Variants in ATP2B3 observed in about 807,000 individuals in gnomAD.
ATP2B3 encodes the protein ATPase plasma membrane Ca2+ transporting 3.
A neutral mutation model predicts 70.8 loss-of-function variants in ATP2B3; 12 were observed. The observed-to-expected ratio is 0.17, with a 90% confidence interval of 0.11 to 0.27. ATP2B3 has a LOEUF of 0.27. ATP2B3 is among the 10% of genes least tolerant of loss of function. ATP2B3 has a pLI of 1.00. For synonymous variants in ATP2B3, 460 were observed against 497.8 expected (o/e 0.92, Z 1.01); for missense variants, 858 against 1,118.5 (o/e 0.77, Z 3.32).
intron 21 of ATP2B3, among the ~76,000 whole-genome samples, chrX:153,568,731 G>T (rs1318789143): frequency 3.6e-5 from 4 of 112,331 alleles, no homozygotes; most frequent in Admixed American, 1.9e-4. Flanking sequence ...GGTGCAGGGG[G>T]AGTCTGAACA....
At position 153,518,228 on chromosome X, in the gene ATP2B3, C is replaced by T. The variant is rs1340738531; in HGVS notation, c.-246-204C>T. Reference sequence around the variant, plus strand: ...GGGGGCGCGGGATCTGGGCCGGGAGCCCGCCAGTGCGCACGCACCTTCCCG... The same window carrying T: ...GGGGGCGCGGGATCTGGGCCGGGAGTCCGCCAGTGCGCACGCACCTTCCCG... On this transcript the variant is annotated intron_variant, in intron 1 of 21. Coordinates refer to ENST00000263519, the MANE Select transcript of ATP2B3 (RefSeq NM_001001344.3). Among the ~76,000 whole-genome samples the T allele has an allele frequency of 2.5e-4, 28 of 113,044 alleles. No individual in the cohort carries two copies. The East Asian group carries it at 4.3e-3, about 17-fold the overall frequency.
intron 2 of ATP2B3, among the ~76,000 whole-genome samples, chrX:153,523,502 G>A (rs1187510736): frequency 9.0e-6 from 1 of 111,589 alleles, no homozygotes; most frequent in Non-Finnish European, 1.9e-5. Flanking sequence ...CTTTTTCATC[G>A]CACTGCATGG....
Position 153,542,466 on chromosome X carries a change from G to C in ATP2B3, c.790+18G>C, listed in dbSNP as rs781789286. 8.3e-7 allele frequency: 1 copy of C among 1,206,455 alleles called. No individual in the cohort carries two copies. The highest frequency in any genetic ancestry group is 3.0e-5 in the East Asian group (1 of 33,709). ...GCTCTCAGGTGAGGGCCACCCTCCG[G>C]GCCAGCCTGGCACCAAGGGGCGTCA... is the stretch of plus-strand genomic sequence containing the variant. On this transcript the variant is annotated intron_variant, in intron 6 of 21. Coordinates refer to ENST00000263519, the MANE Select transcript of ATP2B3 (RefSeq NM_001001344.3).
In ATP2B3 at chrX:153,579,859, C is replaced by T. The variant is rs781838857; in HGVS notation, c.3343-119C>T. The T allele has an allele frequency of 9.4e-5, 60 of 635,262 alleles. No homozygotes were observed. The East Asian group carries it at 1.4e-3, about 15-fold the overall frequency. The allele number at this position is 635,262 out of a possible 1,213,427, so 52.4% of individuals were successfully genotyped here. A position where few individuals can be genotyped will look rare whatever the true frequency, so the allele number is the denominator to read the frequency against. On this transcript the variant is annotated intron_variant, in intron 21 of 21. Transcript: ENST00000263519. ...GTGGGTGGAATTTACCAGCACCAGC[C>T]GGCCACTGACTGTCTCCTTCCTTCC...
chrX:153,550,173 T>C lies in ATP2B3; in HGVS notation c.1710T>C (p.Leu570=). 2 of 1,212,309 alleles carry C rather than the reference T, an allele frequency of 1.6e-6. No individual in the cohort carries two copies. Among genetic ancestry groups the C allele is most frequent in the Non-Finnish European group, 2.2e-6 (2 of 895,620 alleles). Residue 570 remains leucine (L), a synonymous_variant, in exon 12 of 22, where the codon CTT becomes CTC. Transcript: ENST00000263519. ...GCGAGCAGATCCCGGAAGACAAGCTTTACAAAGTGTACACCTTCAACTCGG... is the reference window on the plus strand; with the variant it reads ...GCGAGCAGATCCCGGAAGACAAGCTCTACAAAGTGTACACCTTCAACTCGG... ...PVREQIPEDK[L]YKVYTFNSVR...
rs782076113 is a variant in ATP2B3 at position 153,543,204 on chromosome X, G to A, written c.916+36G>A. 5 of 1,186,545 alleles carry A rather than the reference G, an allele frequency of 4.2e-6. No homozygotes were observed. In the South Asian group the frequency reaches 7.5e-5, roughly 18 times the overall value. On this transcript the variant is annotated intron_variant, in intron 7 of 21. Coordinates refer to ENST00000263519, the MANE Select transcript of ATP2B3 (RefSeq NM_001001344.3). ...AGTGCCGCCAGTCCCTGGTGCTGGTGGCGGCTCCTTCCACGCTGCCCATTC... is the reference window on the plus strand; with the variant it reads ...AGTGCCGCCAGTCCCTGGTGCTGGTAGCGGCTCCTTCCACGCTGCCCATTC...
intron 21 of ATP2B3, among the ~76,000 whole-genome samples, chrX:153,566,811 C>A (rs2090714463): frequency 9.0e-6 from 1 of 111,709 alleles, no homozygotes; most frequent in African/African-American, 3.3e-5. Context: ...CCCGCTGCGT[C>A]CCCTGGGCCC....
chrX:153,521,615 G>C (rs1054693202), intron 2 of ATP2B3, among the ~76,000 whole-genome samples: 5 of 112,010 alleles, frequency 4.5e-5, no homozygotes, highest in Non-Finnish European at 9.4e-5. Context: ...CTTATTTAAA[G>C]GGGTCCTGAG....
intron 21 of ATP2B3, among the ~76,000 whole-genome samples, chrX:153,570,962 G>A (rs782019837): frequency 2.4e-4 from 26 of 106,170 alleles, no homozygotes; most frequent in African/African-American, 8.9e-4. Context: ...GAAGGGAGGA[G>A]GCCCATCCTG....
intron 21 of ATP2B3, among the ~76,000 whole-genome samples, chrX:153,575,574 G>C (rs938733339): frequency 5.4e-5 from 6 of 111,140 alleles, no homozygotes; most frequent in African/African-American, 2.0e-4. Context: ...TCGGGCCGCC[G>C]TGCTAAGGGC....
intron 2 of ATP2B3, among the ~76,000 whole-genome samples, chrX:153,534,979 C>CG (rs1284415053): frequency 2.7e-5 from 3 of 112,551 alleles, no homozygotes; most frequent in East Asian, 5.6e-4. Context: ...TCCCCAGAGA[C>CG]GGGGGTTCAG....
intron 18 of ATP2B3, among the ~76,000 whole-genome samples, chrX:153,560,415 C>T (rs73247603): frequency 0.047 from 5,238 of 111,495 alleles, 109 homozygotes; most frequent in South Asian, 0.063. Flanking sequence ...CGAGGAAAGC[C>T]AGCCTTAAGA....
intron 2 of ATP2B3, among the ~76,000 whole-genome samples, chrX:153,532,524 T>C (rs1410888245): frequency 3.6e-5 from 4 of 111,638 alleles, no homozygotes; most frequent in African/African-American, 9.7e-5. Context: ...GGTTGAGTAA[T>C]GGGCCTGGAC....
At position 153,569,762 on chromosome X, in the gene ATP2B3, T is replaced by C. The variant is rs782140761; in HGVS notation, c.3342+4659T>C. 6 of 1,205,588 alleles carry C rather than the reference T, an allele frequency of 5.0e-6. No homozygotes were observed. The Admixed American group carries it at 8.8e-5, about 18-fold the overall frequency. ...TCCTACCAGTGCTGCTGGGAGTGAG[T>C]CTTGACTTCCCTTTTCTCTCATAAA... On this transcript the variant is annotated intron_variant, in intron 21 of 21. Coordinates refer to ENST00000263519, the MANE Select transcript of ATP2B3 (RefSeq NM_001001344.3).
At chrX:153,542,908 A>T in intron 6 of ATP2B3, 135 bp from the exon 7 acceptor site, 1 of 871,017 alleles carries the variant, frequency 1.1e-6, no homozygotes, top group Non-Finnish European at 1.6e-6. Context: ...GCCAGGGAGG[A>T]GGCTTCAGCC....
At chrX:153,569,849 T>C in intron 21 of ATP2B3, 1 of 1,014,619 alleles carries the variant, frequency 9.9e-7, no homozygotes, top group Non-Finnish European at 1.4e-6. Context: ...CAGTCTTGCA[T>C]TCCGCTCACC....
chrX:153,518,838 G>T (rs1459338828), intron 2 of ATP2B3, among the ~76,000 whole-genome samples: 2 of 112,198 alleles, frequency 1.8e-5, no homozygotes, highest in African/African-American at 6.5e-5. Context: ...GCCATTTCCT[G>T]GCGAGGTCAT....
rs1187721565 is a variant in ATP2B3 at position 153,581,092 on chromosome X, T to C, written c.*794T>C. On this transcript the variant is annotated 3_prime_UTR_variant, in exon 22 of 22. Transcript: ENST00000263519. Reference sequence around the variant, plus strand: ...GTAGCAAGGTTGTAGTTGTTTTTTTTTTTTTTTCAGGGAACTAGACTGCAA... The same window carrying C: ...GTAGCAAGGTTGTAGTTGTTTTTTTCTTTTTTTCAGGGAACTAGACTGCAA... The C allele has an allele frequency of 1.8e-5, 2 of 111,080 alleles. No homozygotes were observed. 9.2% of individuals were successfully genotyped at this position (111,080 alleles called of 1,213,427 possible). A position where few individuals can be genotyped will look rare whatever the true frequency, so the allele number is the denominator to read the frequency against.
intron 2 of ATP2B3, among the ~76,000 whole-genome samples, chrX:153,521,597 A>G (rs1438237738): frequency 1.8e-5 from 2 of 111,927 alleles, no homozygotes; most frequent in African/African-American, 6.5e-5. Context: ...CGTGTCCTTG[A>G]AGAGCACCTT....
Sources: allele counts gnomAD v4.1 joint callset (sites outside exome capture counted in the v4.1 genomes callset), GRCh38; gene constraint gnomAD v4.1.1; transcripts MANE v1.5; gene names NCBI Gene and HGNC (gene_info 2026-07-23, HGNC 2026-07-21).